The following VPS16 variants were observed in gnomAD, a reference collection of about 807,000 sequenced individuals.
VPS16 encodes VPS16 core subunit of CORVET and HOPS complexes.
VPS16 carries 82 observed loss-of-function variants against 116.0 expected under a neutral mutation model. The observed-to-expected ratio is 0.71, with a 90% CI of 0.59 to 0.85. The LOEUF (loss-of-function observed/expected upper bound fraction) is 0.85, where lower values mean the gene tolerates loss of function less well. Ranked by LOEUF, VPS16 falls within the 40% of genes least tolerant of loss-of-function variation. VPS16 has a pLI of 0.00. For synonymous variants in VPS16, 406 were observed against 420.7 expected (o/e 0.96, Z 0.43); for missense variants, 928 against 1,090.6 (o/e 0.85, Z 2.10).
Position 2,864,291 on chromosome 20 carries a change from AG to A in VPS16, c.1720+7del. ...GAGAGCGGGGACACTGACCTGGGTGAGGGCAAGGCTGGGGGGCCCCTGGGCT... is the reference window on the plus strand; with the variant it reads ...GAGAGCGGGGACACTGACCTGGGTGAGGCAAGGCTGGGGGGCCCCTGGGCT... On this transcript the variant is annotated splice_donor_5th_base_variant and intron_variant, in intron 17 of 23. Transcript: ENST00000380445. This position sits in a 1 kb window ranked among gnomAD's most constrained non-coding sequence, Gnocchi z 5.2. 1 of 1,614,084 alleles carries A rather than the reference AG, an allele frequency of 6.2e-7. No homozygotes were observed. Among genetic ancestry groups the A allele is most frequent in the Non-Finnish European group, 8.5e-7 (1 of 1,179,974 alleles).
At chr20:2,848,521 T>A (rs1458080772) in intron 1 of VPS16, among the ~76,000 whole-genome samples, 1 of 152,208 alleles carries the variant, frequency 6.6e-6, no homozygotes, top group Admixed American at 6.5e-5. Context: ...TATAATCATC[T>A]CTGATTAAAA....
At chr20:2,852,127 C>T (rs375595191) in intron 1 of VPS16, among the ~76,000 whole-genome samples, 2 of 152,074 alleles carry the variant, frequency 1.3e-5, no homozygotes, top group East Asian at 1.9e-4. Context: ...GTCCAGACAG[C>T]TTGAGAAGGT....
chr20:2,851,488 C>G (rs957847257), intron 1 of VPS16, among the ~76,000 whole-genome samples: 1 of 151,922 alleles, frequency 6.6e-6, no homozygotes, highest in Non-Finnish European at 1.5e-5. Context: ...CATGGTGAAA[C>G]CCCATCTCTA....
chr20:2,843,007 T>C (rs972936425), intron 1 of VPS16, among the ~76,000 whole-genome samples: 2 of 151,988 alleles, frequency 1.3e-5, no homozygotes, highest in Non-Finnish European at 2.9e-5. Context: ...CCATTCTCAC[T>C]GACATATTAA....
rs774095544 is a variant in VPS16, at chr20:2,861,832, G to A, written c.927G>A (p.Leu309=). 1.2e-6 allele frequency: 2 copies of A among 1,614,004 alleles called. No homozygotes were observed. Among genetic ancestry groups the A allele is most frequent in the East Asian group, 2.2e-5 (1 of 44,876 alleles). ...IQFVLDEDSY[L]VPELDGVRIF... is the part of the protein sequence containing the mutation. ...TTGTGCTGGATGAGGACTCCTACCT[G>A]GTGCCTGAGCTCGATGGGGTCCGCA... The change falls in exon 10 of 24, where the codon CTG becomes CTA. Residue 309 remains leucine, a synonymous_variant. Coordinates refer to ENST00000380445, the MANE Select transcript of VPS16 (RefSeq NM_022575.4).
In VPS16 at chr20:2,864,366, G is replaced by A. The variant is rs764247393; in HGVS notation, c.1722G>A (p.Val574=). ...KAIESGDTDL[V]FTVLLHLKNE... ...CCACTCCACCTTACTCTCCTGCAGT[G>A]TTCACGGTGTTGCTGCACCTGAAGA... Residue 574 remains valine (V), a splice_region_variant and synonymous_variant, in exon 18 of 24, where the codon GTG becomes GTA. Coordinates refer to ENST00000380445, the MANE Select transcript of VPS16 (RefSeq NM_022575.4). The surrounding 1 kb of genome is among the most constrained non-coding windows in gnomAD (Gnocchi z 5.2). The A allele has an allele frequency of 3.2e-5, 51 of 1,614,076 alleles. No individual in the cohort carries two copies. In the South Asian group the frequency reaches 5.4e-4, roughly 17 times the overall value.
intron 1 of VPS16, among the ~76,000 whole-genome samples, chr20:2,847,757 G>C (rs952041617): frequency 6.6e-6 from 1 of 151,478 alleles, no homozygotes; most frequent in Non-Finnish European, 1.5e-5. Flanking sequence ...GATTACAGGC[G>C]TGAGCCACCG....
rs1022181054 is a variant in VPS16 at position 2,860,499 on chromosome 20, T to G, written c.420T>G (p.Phe140Leu). ...ATGCCCGGATCTTTCACACTGAGTT[T>G]GGTTCCGGAGTGGCCATCCTCACAG... is the stretch of plus-strand genomic sequence containing the variant. ...VLDARIFHTEFGSGVAILTGA... is the reference protein window; with the variant it reads ...VLDARIFHTELGSGVAILTGA... Residue 140 changes from phenylalanine (F) to leucine (L), a missense_variant, in exon 5 of 24, where the codon TTT (phenylalanine) becomes TTG (leucine). Phe to Leu is a conservative substitution (Grantham distance 22, BLOSUM62 0). Transcript: ENST00000380445. This position sits in a 1 kb window ranked among gnomAD's most constrained non-coding sequence, Gnocchi z 6.1. The G allele has an allele frequency of 1.2e-6, 2 of 1,614,074 alleles. No homozygotes were observed. Among genetic ancestry groups the G allele is most frequent in the Non-Finnish European group, 8.5e-7 (1 of 1,180,008 alleles).
Position 2,860,689 on chromosome 20 carries a change from A to C in VPS16, c.515-59A>C. 6.2e-7 allele frequency: 1 copy of C among 1,611,756 alleles called. No individual in the cohort carries two copies. The highest frequency in any genetic ancestry group is 8.5e-7 in the Non-Finnish European group (1 of 1,179,012). ...AAACAGAAGCTGTGGCTAGAGACCC[A>C]TAGAAACAGAAACGGTGGGCCTTGG... On this transcript the variant is annotated intron_variant, in intron 5 of 23. Transcript: ENST00000380445. This position sits in a 1 kb window ranked among gnomAD's most constrained non-coding sequence, Gnocchi z 6.1.
Position 2,863,921 on chromosome 20 carries a change from T to C in VPS16, c.1477-28T>C. 6.2e-7 allele frequency: 1 copy of C among 1,608,146 alleles called. No homozygotes were observed. Among genetic ancestry groups the C allele is most frequent in the Non-Finnish European group, 8.5e-7 (1 of 1,175,706 alleles). On this transcript the variant is annotated intron_variant, in intron 15 of 23. Coordinates refer to ENST00000380445, the MANE Select transcript of VPS16 (RefSeq NM_022575.4). The surrounding 1 kb of genome is among the most constrained non-coding windows in gnomAD (Gnocchi z 4.4). ...TGGAGAGTGAGGAATGGCATCCAGA[T>C]GTTTGTGACACCCCGCATCCCTTGC... is the stretch of plus-strand genomic sequence containing the variant.
intron 1 of VPS16, among the ~76,000 whole-genome samples, chr20:2,850,830 G>A (rs2089111545): frequency 6.6e-6 from 1 of 151,352 alleles, no homozygotes; most frequent in Non-Finnish European, 1.5e-5. Context: ...AAAACAGCTG[G>A]GCATGGTGGT....
rs752650479 is a variant in VPS16 at position 2,860,572 on chromosome 20, C to T, written c.493C>T (p.Arg165Cys). ...TGCCAATGTGGGTGACCTCAAACTC[C>T]GCCGGATGCCAGAGGTGCCAGGTAA... is the stretch of plus-strand genomic sequence containing the variant. ...LSANVGDLKL[R>C]RMPEVPGLQS... is the part of the protein sequence containing the mutation. The change falls in exon 5 of 24, where the codon CGC becomes TGC. Residue 165 changes from arginine to cysteine, a missense_variant. Transcript: ENST00000380445. This position sits in a 1 kb window ranked among gnomAD's most constrained non-coding sequence, Gnocchi z 6.1. 45 of 1,613,686 alleles carry T rather than the reference C, an allele frequency of 2.8e-5. No individual in the cohort carries two copies. The highest frequency in any genetic ancestry group is 8.9e-5 in the East Asian group (4 of 44,886).
intron 1 of VPS16, among the ~76,000 whole-genome samples, chr20:2,842,685 GAT>G (rs1272414619): frequency 2.9e-5 from 4 of 138,250 alleles, no homozygotes; most frequent in Non-Finnish European, 4.6e-5. Context: ...TATATATATA[GAT>G]ACATCTAGAT....
At chr20:2,842,873 G>C (rs1460143465) in intron 1 of VPS16, among the ~76,000 whole-genome samples, 42 of 149,668 alleles carry the variant, frequency 2.8e-4, no homozygotes, top group East Asian at 1.8e-3. Flanking sequence ...TCGATAGATA[G>C]ATAGATGTAT....
chr20:2,847,481 A>ATTTTTT (rs5839972), intron 1 of VPS16, among the ~76,000 whole-genome samples: 1 of 128,702 alleles, frequency 7.8e-6, no homozygotes, highest in African/African-American at 2.8e-5. Flanking sequence ...CGCCCCCTCT[A>ATTTTTT]TTTTTTTTTT....
rs199707078 is a variant in VPS16, at chr20:2,861,256, G to A, written c.785G>A (p.Arg262Gln). 2.0e-4 allele frequency: 328 copies of A among 1,614,162 alleles called. 1 individual carries two copies. In the South Asian group the frequency reaches 2.5e-3, roughly 12 times the overall value. The change falls in exon 8 of 24, where the codon CGG becomes CAG. Residue 262 changes from arginine (R) to glutamine (Q), a missense_variant. Coordinates refer to ENST00000380445, the MANE Select transcript of VPS16 (RefSeq NM_022575.4). The stretch of plus-strand genomic sequence containing the variant: ...CTATGTGAGTTCAACTGCAACATCC[G>A]GGCACCTCCAAAGCAGATGGTCTGG... ...EKLCEFNCNIRAPPKQMVWCS... is the reference protein window; with the variant it reads ...EKLCEFNCNIQAPPKQMVWCS...
chr20:2,858,435 T>G (rs944907299), intron 1 of VPS16, among the ~76,000 whole-genome samples: 24 of 152,316 alleles, frequency 1.6e-4, no homozygotes, highest in Non-Finnish European at 2.6e-4. Context: ...GACAATCACA[T>G]TATTTGCAAA....
chr20:2,862,343 C>G, intron 11 of VPS16: 1 of 992,718 alleles, frequency 1.0e-6, no homozygotes, highest in East Asian at 2.6e-5. Flanking sequence ...TATCCCCACC[C>G]AGTCTGGGTT....
rs1338498038 is a variant in VPS16, at chr20:2,860,177, G to A, written c.240+26G>A. The A allele has an allele frequency of 6.2e-7, 1 of 1,613,996 alleles. No homozygotes were observed. The highest frequency in any genetic ancestry group is 2.2e-5 in the East Asian group (1 of 44,874). Reference sequence around the variant, plus strand: ...GTGAGCACTTCTGATGGTCCCTGGGGCTCAGGGCTGGACAGGGTTTCCTCA... The same window carrying A: ...GTGAGCACTTCTGATGGTCCCTGGGACTCAGGGCTGGACAGGGTTTCCTCA... On this transcript the variant is annotated intron_variant, in intron 3 of 23. Coordinates refer to ENST00000380445, the MANE Select transcript of VPS16 (RefSeq NM_022575.4). The surrounding 1 kb of genome is among the most constrained non-coding windows in gnomAD (Gnocchi z 6.1).
Sources: gnomAD v4.1 joint callset for allele counts (sites outside exome capture counted in the v4.1 genomes callset) on GRCh38, gnomAD v4.1.1 for gene constraint, Gnocchi (gnomAD v3.1) non-coding constraint, MANE v1.5 for transcripts, NCBI Gene and HGNC (gene_info 2026-07-23, HGNC 2026-07-21) for gene names.